The following SANBR variants were observed in gnomAD, a reference collection of about 807,000 sequenced individuals.
SANBR encodes the protein SANT and BTB domain regulator of class switch recombination.
Under a neutral mutation model 101.8 loss-of-function variants are expected in SANBR, and 77 were observed. That is an observed-to-expected ratio of 0.76 (90% CI 0.63 to 0.91). SANBR has a LOEUF of 0.91. Among genes scored for constraint, SANBR ranks in the 40% least tolerant of loss-of-function variants. The pLI is 0.00. For synonymous variants in SANBR, 279 were observed against 274.7 expected, an observed-to-expected ratio of 1.02 and a Z score of -0.15; for missense variants, 875 against 853.0, an observed-to-expected ratio of 1.03 and a Z score of -0.32.
At chr2:61,128,279 A>G (rs1372118528), downstream of SANBR, among the ~76,000 whole-genome samples, 3 of 151,848 alleles carry the variant, frequency 2.0e-5, no homozygotes, top group East Asian at 5.8e-4. Context: ...CTCAAAAAAA[A>G]AAAAAAAGAA....
Position 61,109,309 on chromosome 2 carries a change from A to G in SANBR, c.1744+13A>G, listed in dbSNP as rs1310443395. The G allele has an allele frequency of 7.0e-7, 1 of 1,430,176 alleles. No homozygotes were observed. The highest frequency in any genetic ancestry group is 1.4e-5 in the South Asian group (1 of 73,030). 88.6% of individuals were successfully genotyped at this position (1,430,176 alleles called of 1,614,324 possible). A position where few individuals can be genotyped will look rare whatever the true frequency, so the allele number is the denominator to read the frequency against. On this transcript the variant is annotated intron_variant, in intron 16 of 21. Coordinates refer to ENST00000402291, the MANE Select transcript of SANBR (RefSeq NM_001129993.3). ...TCCAAGAAACAAAGTATTGGTTTAT[A>G]AGTTAAAATCAAATCTCCCTGTTTA... is the stretch of plus-strand genomic sequence containing the variant.
At chr2:61,091,091 A>G (rs184035124) in intron 10 of SANBR, among the ~76,000 whole-genome samples, 150 of 152,184 alleles carry the variant, frequency 9.9e-4, no homozygotes, top group African/African-American at 3.5e-3. Context: ...TGCCTGTGTA[A>G]TTTGTAATAA....
chr2:61,111,791 A>G (rs1015106632), intron 16 of SANBR, among the ~76,000 whole-genome samples: 5 of 152,240 alleles, frequency 3.3e-5, no homozygotes, highest in Non-Finnish European at 5.9e-5. Context: ...TTTCATATGA[A>G]TGGAATCATG....
chr2:61,126,826 C>A (rs900675255), downstream of SANBR, among the ~76,000 whole-genome samples: 2 of 151,948 alleles, frequency 1.3e-5, no homozygotes, highest in Admixed American at 6.6e-5. Context: ...TGGCCTACCC[C>A]CTGGCTGCCT....
chr2:61,134,260 A>C (rs764119965), exon 21 of SANBR: 39 of 1,569,322 alleles, frequency 2.5e-5, no homozygotes, highest in Admixed American at 1.5e-4. Context: ...AGGACTTGGA[A>C]TACTGCTTGA....
At chr2:61,106,831 C>T (rs1408945463) in intron 14 of SANBR, among the ~76,000 whole-genome samples, 169 bp downstream of exon 14, 3 of 151,964 alleles carry the variant, frequency 2.0e-5, no homozygotes, top group East Asian at 1.9e-4. Context: ...ATTTCTTGCC[C>T]TCAAAGAATT....
At chr2:61,116,270 G>A (rs1333726951) in intron 17 of SANBR, among the ~76,000 whole-genome samples, 200 bp downstream of exon 17, 8 of 152,154 alleles carry the variant, frequency 5.3e-5, no homozygotes, top group African/African-American at 2.4e-5. Flanking sequence ...TAGTGGTATA[G>A]TATGCTACCA....
At position 61,103,910 on chromosome 2, in the gene SANBR, T is replaced by C; in HGVS notation, c.1423T>C (p.Leu475=). 4 of 1,614,162 alleles carry C rather than the reference T, an allele frequency of 2.5e-6. No homozygotes were observed. Among genetic ancestry groups the C allele is most frequent in the Non-Finnish European group, 3.4e-6 (4 of 1,180,014 alleles). The part of the protein sequence containing the change: ...TLRDQGEGGD[L]PSCPTARMLD... The stretch of plus-strand genomic sequence containing the variant: ...TCGTGATCAAGGTGAAGGCGGAGAT[T>C]TGCCGTCCTGTCCCACTGCTAGAAT... Residue 475 remains leucine, a synonymous_variant, in exon 13 of 22, where the codon TTG becomes CTG. Coordinates refer to ENST00000402291, the MANE Select transcript of SANBR (RefSeq NM_001129993.3).
At chr2:61,104,110 T>A (rs779112226) in intron 13 of SANBR, 112 bp downstream of exon 13, 1 of 892,244 alleles carries the variant, frequency 1.1e-6, no homozygotes, top group Non-Finnish European at 1.7e-6. Flanking sequence ...TTTCATTATT[T>A]CAGAAAACTT....
At position 61,124,175 on chromosome 2, in the gene SANBR, T is replaced by G; in HGVS notation, c.*2013T>G. The G allele has an allele frequency of 2.0e-6, 2 of 981,960 alleles. No homozygotes were observed. Among genetic ancestry groups the G allele is most frequent in the Non-Finnish European group, 2.4e-6 (2 of 826,610 alleles). 60.8% of individuals were successfully genotyped at this position (981,960 alleles called of 1,614,324 possible). On this transcript the variant is annotated 3_prime_UTR_variant, in exon 22 of 22. Coordinates refer to ENST00000402291, the MANE Select transcript of SANBR (RefSeq NM_001129993.3). Reference sequence around the variant, plus strand: ...CATAGCACTGGTACCGCAAACATTTTACTTAAACTCTTAATAGCATTTCTT... The same window carrying G: ...CATAGCACTGGTACCGCAAACATTTGACTTAAACTCTTAATAGCATTTCTT...
intron 20 of SANBR, among the ~76,000 whole-genome samples, chr2:61,133,684 C>G (rs1478149932): frequency 6.6e-6 from 1 of 152,112 alleles, no homozygotes; most frequent in Non-Finnish European, 1.5e-5. Flanking sequence ...AGAAGACAAT[C>G]ACAAAAAGTC....
At chr2:61,101,972 C>T (rs1683307764) in intron 12 of SANBR, among the ~76,000 whole-genome samples, 1 of 151,076 alleles carries the variant, frequency 6.6e-6, no homozygotes, top group African/African-American at 2.4e-5. Flanking sequence ...GCGGAGGTTG[C>T]AGTGAGCCAG....
chr2:61,073,961 T>C (rs902343333), intron 5 of SANBR, among the ~76,000 whole-genome samples: 6 of 121,104 alleles, frequency 5.0e-5, no homozygotes, highest in Non-Finnish European at 8.3e-5. Context: ...TTCAGTGTAT[T>C]GCAAGTTTTG....
intron 13 of SANBR, among the ~76,000 whole-genome samples, chr2:61,106,007 A>G (rs762304288): frequency 6.6e-6 from 1 of 152,156 alleles, no homozygotes; most frequent in Non-Finnish European, 1.5e-5. Context: ...ATAGCAGCCC[A>G]TTCCACCACC....
intron 12 of SANBR, among the ~76,000 whole-genome samples, chr2:61,098,826 A>G (rs770860167): frequency 4.6e-5 from 7 of 152,256 alleles, no homozygotes; most frequent in Non-Finnish European, 5.9e-5. Flanking sequence ...GATAGCCTGT[A>G]AACTTGGATC....
chr2:61,131,817 T>C (rs1180858027), intron 20 of SANBR, among the ~76,000 whole-genome samples: 1 of 152,220 alleles, frequency 6.6e-6, no homozygotes, highest in Non-Finnish European at 1.5e-5. Flanking sequence ...GTCAAGACAG[T>C]GCAGTACTGG....
intron 6 of SANBR, 99 bp downstream of exon 6, chr2:61,077,257 G>A (rs577932790): frequency 2.3e-5 from 18 of 798,486 alleles, no homozygotes; most frequent in Middle Eastern, 3.0e-4. Context: ...TTTGGACACC[G>A]GTGTTTATGC....
At chr2:61,126,307 C>G (rs1054873988), downstream of SANBR, among the ~76,000 whole-genome samples, 5 of 152,202 alleles carry the variant, frequency 3.3e-5, no homozygotes, top group Admixed American at 6.5e-5. Flanking sequence ...CATCCATTTG[C>G]TTCTATCTCC....
chr2:61,088,197 C>T lies in SANBR; in HGVS notation c.929C>T (p.Pro310Leu). ...AAGAAGATTGAAAGACTGTTTGATC[C>T]TGAGTACTTGAATCCAGATTCTCGG... ...FCKKIERLFD[P>L]EYLNPDSRSN... is the part of the protein sequence containing the mutation. Residue 310 changes from proline to leucine, a missense_variant, in exon 9 of 22, where the codon CCT becomes CTT. By Grantham distance (98) the Pro-to-Leu change is moderately conservative. Transcript: ENST00000402291. 1 of 1,607,844 alleles carries T rather than the reference C, an allele frequency of 6.2e-7. No individual in the cohort carries two copies. The highest frequency in any genetic ancestry group is 1.3e-5 in the African/African-American group (1 of 74,732).
Sources: gnomAD v4.1 joint callset for allele counts (sites outside exome capture counted in the v4.1 genomes callset) on GRCh38, gnomAD v4.1.1 for gene constraint, MANE v1.5 for transcripts, NCBI Gene and HGNC (gene_info 2026-07-23, HGNC 2026-07-21) for gene names.